Variants in SPNS2 observed in about 807,000 individuals in gnomAD.
SPNS2 encodes the protein sphingosine-1-phosphate transporter SPNS2.
A neutral mutation model predicts 57.6 loss-of-function variants in SPNS2; 37 were observed. The observed-to-expected ratio is 0.64, with a 90% CI of 0.49 to 0.85. The LOEUF (loss-of-function observed/expected upper bound fraction) is 0.85, where lower values mean the gene tolerates loss of function less well. SPNS2 is among the 40% of genes least tolerant of loss of function. The probability of loss-of-function intolerance (pLI) is 0.00; values close to 1 mark genes in which losing one functional copy is unlikely to be tolerated. For synonymous variants in SPNS2, 440 were observed against 346.9 expected (o/e 1.27, Z -2.98); for missense variants, 831 against 779.1 (o/e 1.07, Z -0.79).
At position 4,536,689 on chromosome 17, in the gene SPNS2, C is replaced by T. The variant is rs73335848; in HGVS notation, c.1608-211C>T. 2,049 of 634,936 alleles carry T rather than the reference C, an allele frequency of 3.2e-3. 45 individuals carry two copies. In the African/African-American group the frequency reaches 0.034, roughly 10 times the overall value. The allele number at this position is 634,936 out of a possible 1,614,324, so 39.3% of individuals were successfully genotyped here. A position where few individuals can be genotyped will look rare whatever the true frequency, so the allele number is the denominator to read the frequency against. On this transcript the variant is annotated intron_variant, in intron 11 of 12. Transcript: ENST00000329078. ...TTTCAAAGCTGGGGCCCCTCCCCTTCCTCTTACTTTCTGACTTCTTTCTCC... is the reference window on the plus strand; with the variant it reads ...TTTCAAAGCTGGGGCCCCTCCCCTTTCTCTTACTTTCTGACTTCTTTCTCC...
At chr17:4,517,480 G>GA (rs1332969543) in intron 2 of SPNS2, among the ~76,000 whole-genome samples, 1 of 152,134 alleles carries the variant, frequency 6.6e-6, no homozygotes, top group African/African-American at 2.4e-5. Flanking sequence ...CCAACATGGT[G>GA]AACCCCATCT....
In SPNS2 at chr17:4,530,484, T is replaced by C. The variant is rs1230727569; in HGVS notation, c.574-148T>C. ...GGCCCGGAGTGGCTGGGGGAGGTGG[T>C]CTTTACGGAGGTGCAGCCCACCAGC... On this transcript the variant is annotated intron_variant, in intron 3 of 12. Transcript: ENST00000329078. 1.0e-5 allele frequency: 9 copies of C among 892,134 alleles called. No homozygotes were observed. The East Asian group carries it at 2.4e-4, about 23-fold the overall frequency. The allele number at this position is 892,134 out of a possible 1,614,324, so 55.3% of individuals were successfully genotyped here. A position where few individuals can be genotyped will look rare whatever the true frequency, so the allele number is the denominator to read the frequency against.
chr17:4,502,553 CT>C (rs1394325335), intron 1 of SPNS2, among the ~76,000 whole-genome samples: 2 of 152,154 alleles, frequency 1.3e-5, no homozygotes, highest in Non-Finnish European at 2.9e-5. Flanking sequence ...GGTCTAGAGT[CT>C]TTGTTGCCAG....
At chr17:4,523,116 G>C (rs2144343835) in intron 2 of SPNS2, among the ~76,000 whole-genome samples, 1 of 152,332 alleles carries the variant, frequency 6.6e-6, no homozygotes, top group Non-Finnish European at 1.5e-5. Flanking sequence ...CCAGGTCCTG[G>C]CTGAAATACC....
At chr17:4,531,907 G>C (rs1462552236) in intron 5 of SPNS2, among the ~76,000 whole-genome samples, 1 of 152,164 alleles carries the variant, frequency 6.6e-6, no homozygotes, top group Non-Finnish European at 1.5e-5. Flanking sequence ...GGGCTCGGGA[G>C]CCTCTGTGGG....
chr17:4,534,205 C>T (rs1905649012), intron 9 of SPNS2, among the ~76,000 whole-genome samples: 1 of 152,174 alleles, frequency 6.6e-6, no homozygotes. Context: ...ATAGGCTCTG[C>T]CCTCTCTACT....
In SPNS2 at chr17:4,516,334, AAAAAAAAAAC is replaced by A. The variant is rs1567590043; in HGVS notation, c.436+3030_436+3039del. On this transcript the variant is annotated intron_variant, in intron 2 of 12. Coordinates refer to ENST00000329078, the MANE Select transcript of SPNS2 (RefSeq NM_001124758.3). ...ATCTCCCCAAAAAAAAAAAAAAAAA[AAAAAAAAAAC>A]AAAAAAACCGCTCATAGGTTTTGCT... Among the ~76,000 whole-genome samples the A allele has an allele frequency of 4.1e-5, 5 of 122,718 alleles. 1 individual carries two copies. The highest frequency in any genetic ancestry group is 1.7e-4 in the African/African-American group (5 of 29,330). 80.5% of individuals were successfully genotyped at this position (122,718 alleles called of 152,430 possible).
Position 4,532,603 on chromosome 17 carries a change from A to C in SPNS2, c.854A>C (p.Lys285Thr). Residue 285 changes from lysine to threonine, a missense_variant, in exon 6 of 13, where the codon AAA becomes ACA. Lys to Thr is a moderately conservative substitution (Grantham distance 78, BLOSUM62 -1). Transcript: ENST00000329078. ...TLILILVPAT[K>T]RGHADQLGDQ... ...ATCCTCATTCTGGTCCCAGCCACTA[A>C]AAGGGGTCATGCCGACCAGCTCGGG... The C allele has an allele frequency of 6.2e-7, 1 of 1,613,504 alleles. No homozygotes were observed. The highest frequency in any genetic ancestry group is 8.5e-7 in the Non-Finnish European group (1 of 1,179,516).
intron 9 of SPNS2, 33 bp downstream of exon 9, chr17:4,533,886 GC>G: frequency 6.2e-7 from 1 of 1,605,622 alleles, no homozygotes; most frequent in Admixed American, 1.7e-5. Flanking sequence ...ACCTTGTGCT[GC>G]TGACCCAGGC....
In SPNS2 at chr17:4,536,438, G is replaced by GGC. The variant is rs1555538192; in HGVS notation, c.1607+13_1607+14insCG. ...AGGGCTGAGCAGCAGTGAGTGGGGG[G>GGC]GAGGGGAGGCCCTGCTGCACCGCCG... On this transcript the variant is annotated intron_variant, in intron 11 of 12. Transcript: ENST00000329078. 4 of 1,582,782 alleles carry GGC rather than the reference G, an allele frequency of 2.5e-6. No individual in the cohort carries two copies. Among genetic ancestry groups the GGC allele is most frequent in the Non-Finnish European group, 3.4e-6 (4 of 1,164,958 alleles).
chr17:4,504,296 T>C (rs1337694753), intron 1 of SPNS2, among the ~76,000 whole-genome samples: 1 of 152,204 alleles, frequency 6.6e-6, no homozygotes, highest in African/African-American at 2.4e-5. Flanking sequence ...AAGCGCCAGG[T>C]GGTCTAGAAT....
At chr17:4,514,904 C>A (rs1037732511) in intron 2 of SPNS2, among the ~76,000 whole-genome samples, 4 of 152,220 alleles carry the variant, frequency 2.6e-5, no homozygotes, top group Non-Finnish European at 4.4e-5. Context: ...CCCTGTGTGG[C>A]CCCTGACTCA....
chr17:4,536,507 TGGGGCGGGGA>T, intron 11 of SPNS2, 81 bp downstream of exon 11: 3 of 1,419,176 alleles, frequency 2.1e-6, no homozygotes, highest in Non-Finnish European at 2.9e-6. Context: ...TGCCCTGGGG[TGGGGCGGGGA>T]GGGTACAGAC....
chr17:4,532,744 T>C (rs770466939), intron 6 of SPNS2, 60 bp downstream of exon 6: 94 of 1,576,490 alleles, frequency 6.0e-5, no homozygotes, highest in Non-Finnish European at 6.8e-5. Context: ...TGAGAGGGCC[T>C]GTCCCTGCAG....
Position 4,537,743 on chromosome 17 carries a change from G to A in SPNS2, c.*295G>A, listed in dbSNP as rs747478530. On this transcript the variant is annotated 3_prime_UTR_variant, in exon 13 of 13. Transcript: ENST00000329078. Reference sequence around the variant, plus strand: ...AGAAGACAGCCCCAAGTGGGTGTCCGGGGAGAGCCTGGCCTGCCACCAGCT... The same window carrying A: ...AGAAGACAGCCCCAAGTGGGTGTCCAGGGAGAGCCTGGCCTGCCACCAGCT... The A allele has an allele frequency of 8.5e-5, 39 of 456,604 alleles. No individual in the cohort carries two copies. The highest frequency in any genetic ancestry group is 2.9e-4 in the South Asian group (19 of 64,568). 28.3% of individuals were successfully genotyped at this position (456,604 alleles called of 1,614,324 possible).
chr17:4,504,809 CTG>C (rs1042329570), intron 1 of SPNS2, among the ~76,000 whole-genome samples: 1 of 152,168 alleles, frequency 6.6e-6, no homozygotes, highest in Non-Finnish European at 1.5e-5. Context: ...GCCAGCTTTA[CTG>C]TGTGACTGGA....
Position 4,531,708 on chromosome 17 carries a change from GGGA to G in SPNS2, c.792+592_792+594del, listed in dbSNP as rs1200097797. On this transcript the variant is annotated intron_variant, in intron 5 of 12. Coordinates refer to ENST00000329078, the MANE Select transcript of SPNS2 (RefSeq NM_001124758.3). Reference sequence around the variant, plus strand: ...GGGGTGGGGGGATGGGGAGGCGAGAGGGAGGTGGCAGGCAGAGGAACTCCCCAA... The same window carrying G: ...GGGGTGGGGGGATGGGGAGGCGAGAGGGTGGCAGGCAGAGGAACTCCCCAA... 3.9e-5 allele frequency among the ~76,000 whole-genome samples: 6 copies of G among 152,288 alleles called. No homozygotes were observed. In the East Asian group the frequency reaches 1.2e-3, roughly 29 times the overall value.
Position 4,536,892 on chromosome 17 carries a change from T to A in SPNS2, c.1608-8T>A, listed in dbSNP as rs1567598444. On this transcript the variant is annotated splice_polypyrimidine_tract_variant and splice_region_variant and intron_variant, in intron 11 of 12. Transcript: ENST00000329078. ...CACCACCCTGACCCCCGCCCGTCTCTCCCCCAGGGTGAACCAGCTGGCGAT... is the reference window on the plus strand; with the variant it reads ...CACCACCCTGACCCCCGCCCGTCTCACCCCCAGGGTGAACCAGCTGGCGAT... 6 of 1,612,482 alleles carry A rather than the reference T, an allele frequency of 3.7e-6. No homozygotes were observed. In the South Asian group the frequency reaches 6.6e-5, roughly 18 times the overall value.
Position 4,532,573 on chromosome 17 carries a change from C to A in SPNS2, c.824C>A (p.Thr275Lys). ...VSPVLGMITG[T>K]LILILVPATK... ...CCTGTCCTGGGCATGATCACAGGAA[C>A]ACTCATCCTCATTCTGGTCCCAGCC... The change falls in exon 6 of 13, where the codon ACA becomes AAA. Residue 275 changes from threonine (T) to lysine (K), a missense_variant. By Grantham distance (78) the Thr-to-Lys change is moderately conservative (BLOSUM62 -1). Transcript: ENST00000329078. 1 of 1,614,152 alleles carries A rather than the reference C, an allele frequency of 6.2e-7. No individual in the cohort carries two copies. Among genetic ancestry groups the A allele is most frequent in the Non-Finnish European group, 8.5e-7 (1 of 1,180,030 alleles).
Sources: gnomAD v4.1 joint callset for allele counts (sites outside exome capture counted in the v4.1 genomes callset) on GRCh38, gnomAD v4.1.1 for gene constraint, MANE v1.5 for transcripts, NCBI Gene and HGNC (gene_info 2026-07-23, HGNC 2026-07-21) for gene names.